FAAH: variants seen among roughly 807,000 people sequenced by gnomAD.
The protein encoded by FAAH is fatty-acid amide hydrolase 1.
A neutral mutation model predicts 69.7 loss-of-function variants in FAAH; 63 were observed. The ratio of observed to expected loss-of-function variants is 0.90; its 90% CI spans 0.74 to 1.12. The LOEUF is 1.12. FAAH is among the 50% of genes most tolerant of loss of function. The pLI, the probability that FAAH is intolerant of heterozygous loss-of-function variation, is 0.00. For synonymous variants in FAAH, 305 were observed against 324.2 expected (o/e 0.94, Z 0.64); for missense variants, 680 against 755.0 (o/e 0.90, Z 1.16).
Position 46,406,281 on chromosome 1 carries a change from G to A in FAAH, c.864G>A (p.Glu288=). 1 of 1,614,082 alleles carries A rather than the reference G, an allele frequency of 6.2e-7. No individual in the cohort carries two copies. The highest frequency in any genetic ancestry group is 8.5e-7 in the Non-Finnish European group (1 of 1,180,034). The change falls in exon 7 of 15, where the codon GAG becomes GAA. Residue 288 remains glutamate (E), a synonymous_variant. Coordinates refer to ENST00000243167, the MANE Select transcript of FAAH (RefSeq NM_001441.3). ...TGGGCCCCATGGCCCGGGACGTGGA[G>A]AGCCTGGCACTGTGCCTGCGAGCCC... The part of the protein sequence containing the change: ...LSVGPMARDV[E]SLALCLRALL...
Position 46,413,604 on chromosome 1 carries a change from C to T in FAAH, c.*29C>T, listed in dbSNP as rs768774668. 3.1e-6 allele frequency: 5 copies of T among 1,613,852 alleles called. No individual in the cohort carries two copies. Among genetic ancestry groups the T allele is most frequent in the Admixed American group, 3.3e-5 (2 of 60,028 alleles). On this transcript the variant is annotated 3_prime_UTR_variant, in exon 15 of 15. Transcript: ENST00000243167. Reference sequence around the variant, plus strand: ...CTCTGGCTCCAGAGGACCTGAGACTCACACTCTCTGCAGCCCAGCCTAGTC... The same window carrying T: ...CTCTGGCTCCAGAGGACCTGAGACTTACACTCTCTGCAGCCCAGCCTAGTC...
rs200678474 is a variant in FAAH at position 46,411,898 on chromosome 1, C to T, written c.1357-245C>T. On this transcript the variant is annotated intron_variant, in intron 12 of 14. Coordinates refer to ENST00000243167, the MANE Select transcript of FAAH (RefSeq NM_001441.3). This position sits in a 1 kb window ranked among gnomAD's most constrained non-coding sequence, Gnocchi z 4.8. Reference sequence around the variant, plus strand: ...TGGCCGCCTTTTTGCCCCTCTGGAGCTGCCTTTGTGTGGCTCCGCCTCAGC... The same window carrying T: ...TGGCCGCCTTTTTGCCCCTCTGGAGTTGCCTTTGTGTGGCTCCGCCTCAGC... 1.3e-5 allele frequency among the ~76,000 whole-genome samples: 2 copies of T among 152,266 alleles called. No individual in the cohort carries two copies. Among genetic ancestry groups the T allele is most frequent in the Non-Finnish European group, 2.9e-5 (2 of 68,040 alleles).
chr1:46,410,591 T>C lies in FAAH; in HGVS notation c.1275+94T>C, dbSNP rs568168345. 2.1e-5 allele frequency: 27 copies of C among 1,280,726 alleles called. No homozygotes were observed. The South Asian group carries it at 2.9e-4, about 14-fold the overall frequency. The allele number at this position is 1,280,726 out of a possible 1,614,324, so 79.3% of individuals were successfully genotyped here. On this transcript the variant is annotated intron_variant, in intron 10 of 14. Transcript: ENST00000243167. The surrounding 1 kb of genome is among the most constrained non-coding windows in gnomAD (Gnocchi z 4.9). ...CCCCATGGCCTCCCTCAGCCTCTCT[T>C]GGTTTGGGCAGGCATGGCCTCCTCT... is the stretch of plus-strand genomic sequence containing the variant.
Position 46,412,246 on chromosome 1 carries a change from C to T in FAAH, c.1460C>T (p.Ala487Val), listed in dbSNP as rs1252296068. Residue 487 changes from alanine to valine, a missense_variant, in exon 13 of 15, where the codon GCC becomes GTC. By Grantham distance (64) the Ala-to-Val change is moderately conservative (BLOSUM62 0). Coordinates refer to ENST00000243167, the MANE Select transcript of FAAH (RefSeq NM_001441.3). Reference sequence around the variant, plus strand: ...CTGGACTTGAATGCCCCAGGCAGGGCCACAGGTGAGGCCCGACACCCTGCC... The same window carrying T: ...CTGGACTTGAATGCCCCAGGCAGGGTCACAGGTGAGGCCCGACACCCTGCC... ...PALDLNAPGR[A>V]TGAVSYTMLY... 2 of 1,551,708 alleles carry T rather than the reference C, an allele frequency of 1.3e-6. No individual in the cohort carries two copies. The highest frequency in any genetic ancestry group is 8.7e-7 in the Non-Finnish European group (1 of 1,146,922).
Position 46,405,150 on chromosome 1 carries a change from T to C in FAAH, c.444+2T>C. 1 of 1,613,638 alleles carries C rather than the reference T, an allele frequency of 6.2e-7. No individual in the cohort carries two copies. ...CTCAAGGAGTGCTTCACCTACAAGG[T>C]ATGCTCTGCCTCAGCGCCAGGCCTC... On this transcript the variant is annotated splice_donor_variant, in intron 3 of 14. Transcript: ENST00000243167. LOFTEE classifies it high-confidence loss of function. This position sits in a 1 kb window ranked among gnomAD's most constrained non-coding sequence, Gnocchi z 4.1.
Position 46,412,351 on chromosome 1 carries a change from C to T in FAAH, c.1465+100C>T, listed in dbSNP as rs76359317. Reference sequence around the variant, plus strand: ...AAGAGCCCTCTGGGAGGACCCTGCCCTCTCGGGGCCCACAGTCTGGCTGAC... The same window carrying T: ...AAGAGCCCTCTGGGAGGACCCTGCCTTCTCGGGGCCCACAGTCTGGCTGAC... On this transcript the variant is annotated intron_variant, in intron 13 of 14. Coordinates refer to ENST00000243167, the MANE Select transcript of FAAH (RefSeq NM_001441.3). 549 of 1,000,328 alleles carry T rather than the reference C, an allele frequency of 5.5e-4. 4 individuals are homozygous for T. In the East Asian group the frequency reaches 0.011, roughly 20 times the overall value. 62.0% of individuals were successfully genotyped at this position (1,000,328 alleles called of 1,614,324 possible). A position where few individuals can be genotyped will look rare whatever the true frequency, so the allele number is the denominator to read the frequency against.
Position 46,408,441 on chromosome 1 carries a change from C to T in FAAH, c.952-18C>T, listed in dbSNP as rs762562076. 1 of 1,614,050 alleles carries T rather than the reference C, an allele frequency of 6.2e-7. No homozygotes were observed. Among genetic ancestry groups the T allele is most frequent in the Non-Finnish European group, 8.5e-7 (1 of 1,179,986 alleles). On this transcript the variant is annotated intron_variant, in intron 7 of 14. Transcript: ENST00000243167. ...GTCTTCTCCTGACCTGCCCCTGTCC[C>T]CTGTGTTTTCCCTCCAGGTCTACAC...
At chr1:46,406,495 G>C (rs1664798111) in intron 7 of FAAH, 127 bp downstream of exon 7, 1 of 1,345,056 alleles carries the variant, frequency 7.4e-7, no homozygotes, top group African/African-American at 1.5e-5. Flanking sequence ...GCCAGGGCGG[G>C]TTGCTCCTCC....
rs1251237526 is a variant in FAAH at position 46,394,402 on chromosome 1, G to A, written c.54G>A (p.Leu18=). Residue 18 remains leucine, a synonymous_variant, in exon 1 of 15, where the codon CTG becomes CTA. Coordinates refer to ENST00000243167, the MANE Select transcript of FAAH (RefSeq NM_001441.3). ...TGCCTGGCGCCTCCGGGGTCGCCCT[G>A]GCCTGCTGCTTCGTGGCGGCGGCCG... ...AALPGASGVA[L]ACCFVAAAVA... is the part of the protein sequence containing the mutation. 1 of 1,511,670 alleles carries A rather than the reference G, an allele frequency of 6.6e-7. No homozygotes were observed. The highest frequency in any genetic ancestry group is 2.1e-5 in the Admixed American group (1 of 47,516). 93.6% of individuals were successfully genotyped at this position (1,511,670 alleles called of 1,614,324 possible).
chr1:46,398,602 T>C (rs944348356), intron 1 of FAAH, among the ~76,000 whole-genome samples: 3 of 151,460 alleles, frequency 2.0e-5, no homozygotes, highest in African/African-American at 7.3e-5. Context: ...GGCTCAATCT[T>C]GGCTCACTGC....
chr1:46,410,227 T>A lies in FAAH; in HGVS notation c.1176-171T>A. On this transcript the variant is annotated intron_variant, in intron 9 of 14. Transcript: ENST00000243167. The surrounding 1 kb of genome is among the most constrained non-coding windows in gnomAD (Gnocchi z 4.9). ...GTGGATGTGGGTTGCAGCCCAGGCA[T>A]CCCAAAGGATCAGCAGAAACAAACG... 1.4e-6 allele frequency: 1 copy of A among 703,710 alleles called. No individual in the cohort carries two copies. Among genetic ancestry groups the A allele is most frequent in the South Asian group, 1.6e-5 (1 of 62,186 alleles). 43.6% of individuals were successfully genotyped at this position (703,710 alleles called of 1,614,324 possible). A position where few individuals can be genotyped will look rare whatever the true frequency, so the allele number is the denominator to read the frequency against.
In FAAH at chr1:46,405,016, C is replaced by G. The variant is rs1383357616; in HGVS notation, c.312C>G (p.Ala104=). 1.2e-6 allele frequency: 2 copies of G among 1,614,086 alleles called. No homozygotes were observed. Among genetic ancestry groups the G allele is most frequent in the Non-Finnish European group, 1.7e-6 (2 of 1,180,044 alleles). ...EAVLFTYVGK[A]WEVNKGTNCV... ...TATGTCTACTTCCCCTTCCTCAGGC[C>G]TGGGAAGTGAACAAAGGGACCAACT... Residue 104 remains alanine (A), a splice_region_variant and synonymous_variant, in exon 3 of 15, where the codon GCC becomes GCG. Coordinates refer to ENST00000243167, the MANE Select transcript of FAAH (RefSeq NM_001441.3). This position sits in a 1 kb window ranked among gnomAD's most constrained non-coding sequence, Gnocchi z 4.1.
chr1:46,410,803 G>T lies in FAAH; in HGVS notation c.1276-11G>T, dbSNP rs1354018088. 4 of 1,614,082 alleles carry T rather than the reference G, an allele frequency of 2.5e-6. No homozygotes were observed. The African/African-American group carries it at 5.3e-5, about 22-fold the overall frequency. The stretch of plus-strand genomic sequence containing the variant: ...GAGCTGAGTCACCGACCCTGCGTCT[G>T]TCCTGTGCAGCTGCCAAGGCTGTCA... On this transcript the variant is annotated splice_polypyrimidine_tract_variant and intron_variant, in intron 10 of 14. Transcript: ENST00000243167. This position sits in a 1 kb window ranked among gnomAD's most constrained non-coding sequence, Gnocchi z 4.9.
chr1:46,395,708 A>G (rs1033714356), intron 1 of FAAH, among the ~76,000 whole-genome samples: 1 of 152,222 alleles, frequency 6.6e-6, no homozygotes, highest in African/African-American at 2.4e-5. Flanking sequence ...AATTGTGTTC[A>G]GCAGATGTTC....
chr1:46,405,952 G>C lies in FAAH; in HGVS notation c.786-86G>C, dbSNP rs1215383964. 1.2e-6 allele frequency: 2 copies of C among 1,612,916 alleles called. No homozygotes were observed. The highest frequency in any genetic ancestry group is 2.2e-5 in the East Asian group (1 of 44,900). On this transcript the variant is annotated intron_variant, in intron 5 of 14. Coordinates refer to ENST00000243167, the MANE Select transcript of FAAH (RefSeq NM_001441.3). The surrounding 1 kb of genome is among the most constrained non-coding windows in gnomAD (Gnocchi z 4.1). ...GGGCGTGGGTCCTAGTTTCCAAAGCGGTGAGTGTTCAGAGCTGCTCTGTGG... is the reference window on the plus strand; with the variant it reads ...GGGCGTGGGTCCTAGTTTCCAAAGCCGTGAGTGTTCAGAGCTGCTCTGTGG...
chr1:46,402,604 C>T (rs1188620671), intron 2 of FAAH, among the ~76,000 whole-genome samples: 2 of 152,152 alleles, frequency 1.3e-5, no homozygotes, highest in Non-Finnish European at 2.9e-5. Flanking sequence ...CCTCCACCTC[C>T]TGGGTTCAAG....
chr1:46,413,760 C>A lies in FAAH; in HGVS notation c.*185C>A. Reference sequence around the variant, plus strand: ...CTGGACCTCCATCCCTGCTCTGGTCCCCTCTCTTCGTCCTGATCCCTCCAC... The same window carrying A: ...CTGGACCTCCATCCCTGCTCTGGTCACCTCTCTTCGTCCTGATCCCTCCAC... On this transcript the variant is annotated 3_prime_UTR_variant, in exon 15 of 15. Transcript: ENST00000243167. 1 of 799,592 alleles carries A rather than the reference C, an allele frequency of 1.3e-6. No homozygotes were observed. Among genetic ancestry groups the A allele is most frequent in the Non-Finnish European group, 2.0e-6 (1 of 495,582 alleles). 49.5% of individuals were successfully genotyped at this position (799,592 alleles called of 1,614,324 possible). A position where few individuals can be genotyped will look rare whatever the true frequency, so the allele number is the denominator to read the frequency against.
chr1:46,397,221 C>T (rs17361936), intron 1 of FAAH, among the ~76,000 whole-genome samples: 34,183 of 152,242 alleles, frequency 0.22, 4,302 homozygotes, highest in Non-Finnish European at 0.29. Flanking sequence ...CTGCTCACAG[C>T]TCTTGCCTGC....
chr1:46,405,948 A>C lies in FAAH; in HGVS notation c.786-90A>C. 1 of 1,612,922 alleles carries C rather than the reference A, an allele frequency of 6.2e-7. No individual in the cohort carries two copies. Among genetic ancestry groups the C allele is most frequent in the African/African-American group, 1.3e-5 (1 of 75,032 alleles). On this transcript the variant is annotated intron_variant, in intron 5 of 14. Transcript: ENST00000243167. The surrounding 1 kb of genome is among the most constrained non-coding windows in gnomAD (Gnocchi z 4.1). ...GGCCGGGCGTGGGTCCTAGTTTCCA[A>C]AGCGGTGAGTGTTCAGAGCTGCTCT...
Sources: allele counts gnomAD v4.1 joint callset (sites outside exome capture counted in the v4.1 genomes callset), GRCh38; gene constraint gnomAD v4.1.1; non-coding constraint Gnocchi (gnomAD v3.1); transcripts MANE v1.5; gene names NCBI Gene and HGNC (gene_info 2026-07-23, HGNC 2026-07-21).